The following ROR1 variants were observed in gnomAD, a reference collection of about 807,000 sequenced individuals.
ROR1 encodes the protein ROR family WNT receptor 1, also known as inactive tyrosine-protein kinase transmembrane receptor ROR1.
A neutral mutation model predicts 78.8 loss-of-function variants in ROR1; 19 were observed. The observed-to-expected ratio is 0.24, with a 90% CI of 0.17 to 0.35. The LOEUF (loss-of-function observed/expected upper bound fraction) is 0.35. ROR1 is among the 10% of genes least tolerant of loss of function. ROR1 has a pLI of 1.00. For missense variants in ROR1, 917 were observed against 1,177.8 expected, an observed-to-expected ratio of 0.78 and a Z score of 3.24; for synonymous variants, 386 against 433.6, an observed-to-expected ratio of 0.89 and a Z score of 1.36.
chr1:63,811,719 A>G (rs978935410), intron 1 of ROR1, among the ~76,000 whole-genome samples: 3 of 152,162 alleles, frequency 2.0e-5, no homozygotes, highest in African/African-American at 7.2e-5. Context: ...TCTGTGAGGT[A>G]AAAACATTCA....
chr1:63,975,448 A>G (rs1249943570), intron 1 of ROR1, among the ~76,000 whole-genome samples: 1 of 152,170 alleles, frequency 6.6e-6, no homozygotes, highest in Admixed American at 6.5e-5. Context: ...CAGTCTTTAA[A>G]AAACTGAATT....
chr1:63,821,355 C>T (rs573217194), intron 1 of ROR1, among the ~76,000 whole-genome samples: 8 of 152,254 alleles, frequency 5.3e-5, no homozygotes, highest in Admixed American at 5.2e-4. Flanking sequence ...GACAGTCCTG[C>T]GATGGCATTT....
Position 63,875,812 on chromosome 1 carries a change from A to G in ROR1, c.91+101304A>G, listed in dbSNP as rs966902583. Among the ~76,000 whole-genome samples, 5 of 152,246 alleles carry G rather than the reference A, an allele frequency of 3.3e-5. No homozygotes were observed. In the East Asian group the frequency reaches 5.8e-4, roughly 18 times the overall value. On this transcript the variant is annotated intron_variant, in intron 1 of 8. Transcript: ENST00000371079. ...CCTCATTAACTACTGTCTGGAATTT[A>G]GAGGGAATACAAAGTCTGGTAGCTA...
intron 1 of ROR1, among the ~76,000 whole-genome samples, chr1:63,963,792 A>G (rs936215824): frequency 1.1e-4 from 17 of 152,184 alleles, no homozygotes; most frequent in Middle Eastern, 3.4e-3. Context: ...GTGAAGAGGA[A>G]GAACCTTCAG....
chr1:64,091,866 C>T (rs1031707176), intron 4 of ROR1, among the ~76,000 whole-genome samples: 6 of 152,120 alleles, frequency 3.9e-5, no homozygotes, highest in African/African-American at 1.2e-4. Flanking sequence ...CTGCAGGAAG[C>T]GATGGGTATG....
chr1:63,943,107 A>AC (rs1553146216), intron 1 of ROR1, among the ~76,000 whole-genome samples: 3,343 of 151,466 alleles, frequency 0.022, 149 homozygotes, highest in African/African-American at 0.077. Flanking sequence ...AAAAAAAAAA[A>AC]AAAAAAAAAA....
chr1:63,891,814 G>T (rs1361031693), intron 1 of ROR1, among the ~76,000 whole-genome samples: 3 of 152,096 alleles, frequency 2.0e-5, no homozygotes, highest in African/African-American at 4.8e-5. Flanking sequence ...ACTTACACCT[G>T]TGCTACCCTA....
At chr1:63,979,672 G>A (rs1290703548) in intron 1 of ROR1, among the ~76,000 whole-genome samples, 2 of 152,190 alleles carry the variant, frequency 1.3e-5, no homozygotes, top group African/African-American at 4.8e-5. Flanking sequence ...TCTGGGTGAT[G>A]TGTCTGTAGA....
intron 1 of ROR1, among the ~76,000 whole-genome samples, chr1:63,790,936 A>C (rs1644722594): frequency 6.6e-6 from 1 of 152,194 alleles, no homozygotes; most frequent in Non-Finnish European, 1.5e-5. Context: ...TTCCTACAGC[A>C]ACTCTGCCTT....
chr1:63,890,429 C>T (rs1341609975), intron 1 of ROR1, among the ~76,000 whole-genome samples: 3 of 149,596 alleles, frequency 2.0e-5, no homozygotes, highest in Non-Finnish European at 3.0e-5. Flanking sequence ...GTATAAAATT[C>T]CATACTAGAT....
chr1:64,099,827 C>G (rs1005909575), intron 4 of ROR1, among the ~76,000 whole-genome samples: 1 of 151,840 alleles, frequency 6.6e-6, no homozygotes, highest in East Asian at 2.0e-4. Flanking sequence ...GAGGCCGAGG[C>G]AGGTGGATCA....
At chr1:63,882,591 T>A (rs1645330350) in intron 1 of ROR1, among the ~76,000 whole-genome samples, 1 of 152,190 alleles carries the variant, frequency 6.6e-6, no homozygotes, top group South Asian at 2.1e-4. Context: ...AATTCTGTAC[T>A]CTGGCTGAAA....
intron 1 of ROR1, among the ~76,000 whole-genome samples, chr1:63,996,822 A>G (rs1427120736): frequency 6.6e-6 from 1 of 152,112 alleles, no homozygotes; most frequent in Non-Finnish European, 1.5e-5. Flanking sequence ...AGAGAGCCTG[A>G]GTGGAGCCAG....
chr1:63,785,623 T>C (rs1346063448), intron 1 of ROR1, among the ~76,000 whole-genome samples: 1 of 152,040 alleles, frequency 6.6e-6, no homozygotes, highest in Admixed American at 6.6e-5. Context: ...CCTGGGTTTT[T>C]TAAGTGATTC....
intron 1 of ROR1, among the ~76,000 whole-genome samples, chr1:63,972,524 TGTTA>T (rs776630159): frequency 1.3e-5 from 2 of 152,176 alleles, no homozygotes; most frequent in Non-Finnish European, 1.5e-5. Context: ...ATCTATGAGG[TGTTA>T]GTTAGGTCTT....
chr1:63,843,145 C>T (rs1030165036), intron 1 of ROR1: 14 of 841,124 alleles, frequency 1.7e-5, no homozygotes, highest in African/African-American at 1.2e-4. Flanking sequence ...CCCCCGAGGG[C>T]AGATGTGGGG....
At chr1:64,145,688 C>T (rs1318031556) in intron 7 of ROR1, among the ~76,000 whole-genome samples, 1 of 152,126 alleles carries the variant, frequency 6.6e-6, no homozygotes. Flanking sequence ...GGAATAAAAA[C>T]AAAACATAGA....
intron 1 of ROR1, among the ~76,000 whole-genome samples, chr1:63,906,849 TTTA>T (rs1459512671): frequency 6.6e-6 from 1 of 151,974 alleles, no homozygotes; most frequent in Non-Finnish European, 1.5e-5. Flanking sequence ...CACGTGAAAC[TTTA>T]TTCTTATTTT....
intron 1 of ROR1, among the ~76,000 whole-genome samples, chr1:63,935,729 A>G (rs1645788852): frequency 6.6e-6 from 1 of 152,228 alleles, no homozygotes; most frequent in South Asian, 2.1e-4. Context: ...TTATAGCTTG[A>G]AACAGCAGCT....
Sources: gnomAD v4.1 joint callset for allele counts (sites outside exome capture counted in the v4.1 genomes callset) on GRCh38, gnomAD v4.1.1 for gene constraint, MANE v1.5 for transcripts, NCBI Gene and HGNC (gene_info 2026-07-23, HGNC 2026-07-21) for gene names.